Variants in CDC42SE2 observed in about 807,000 individuals in gnomAD.
CDC42SE2 encodes CDC42 small effector 2.
In CDC42SE2, 3 loss-of-function variants were observed where a neutral mutation model predicts 11.5. The ratio of observed to expected loss-of-function variants is 0.26; its 90% CI spans 0.12 to 0.67. The LOEUF (loss-of-function observed/expected upper bound fraction) is 0.67, where lower values mean the gene tolerates loss of function less well. Among genes scored for constraint, CDC42SE2 ranks in the 30% least tolerant of loss-of-function variants. The pLI is 0.80. For missense variants in CDC42SE2, 82 were observed against 106.8 expected, an observed-to-expected ratio of 0.77 and a Z score of 1.02; for synonymous variants, 33 against 34.8, an observed-to-expected ratio of 0.95 and a Z score of 0.18.
chr5:131,257,121 G>A (rs558704682), intron 2 of CDC42SE2, among the ~76,000 whole-genome samples: 12 of 152,246 alleles, frequency 7.9e-5, no homozygotes, highest in African/African-American at 2.6e-4. Flanking sequence ...GCTAGTGGTG[G>A]GGTCAAAAGC....
intron 1 of CDC42SE2, among the ~76,000 whole-genome samples, chr5:131,305,908 A>T (rs960956245): frequency 2.6e-5 from 4 of 152,224 alleles, no homozygotes; most frequent in African/African-American, 9.7e-5. Context: ...TAAGTTTTTA[A>T]TCCATTCTGA....
At chr5:131,387,891 T>C (rs1393013452) in intron 4 of CDC42SE2, among the ~76,000 whole-genome samples, 1 of 152,222 alleles carries the variant, frequency 6.6e-6, no homozygotes, top group Non-Finnish European at 1.5e-5. Flanking sequence ...CCAAATGTGT[T>C]CTATAGTTAT....
At chr5:131,226,408 A>C in the CDC42SE2 span, among the ~76,000 whole-genome samples, 1 of 152,232 alleles carries the variant, frequency 6.6e-6, no homozygotes, top group African/African-American at 2.4e-5. Context: ...ACAAATTTAG[A>C]GACCCTTGAA....
intron 2 of CDC42SE2, among the ~76,000 whole-genome samples, chr5:131,334,625 T>C (rs1206453591): frequency 6.6e-6 from 1 of 152,262 alleles, no homozygotes; most frequent in Non-Finnish European, 1.5e-5. Context: ...GGCTATTAAT[T>C]GTTGCCTCAA....
chr5:131,349,197 A>G (rs959155816), intron 2 of CDC42SE2, among the ~76,000 whole-genome samples: 1 of 152,112 alleles, frequency 6.6e-6, no homozygotes, highest in African/African-American at 2.4e-5. Context: ...CTTTGTAGCG[A>G]CATGGATGAA....
intron 3 of CDC42SE2, among the ~76,000 whole-genome samples, chr5:131,361,734 G>A (rs183951378): frequency 6.6e-6 from 1 of 152,214 alleles, no homozygotes; most frequent in African/African-American, 2.4e-5. Flanking sequence ...TGTCGATGAG[G>A]GAGCCAGAAT....
upstream of CDC42SE2, among the ~76,000 whole-genome samples, chr5:131,260,411 T>C (rs1231634955): frequency 6.6e-6 from 1 of 152,034 alleles, no homozygotes; most frequent in East Asian, 1.9e-4. Context: ...TCACCTGAGG[T>C]CAGGAGTTCA....
the CDC42SE2 span, among the ~76,000 whole-genome samples, chr5:131,222,880 A>T: frequency 9.2e-5 from 14 of 152,342 alleles, no homozygotes; most frequent in Middle Eastern, 3.4e-3. Context: ...CACTTACTCC[A>T]GCCTTTGCTT....
In CDC42SE2 at chr5:131,292,265, AGAT is replaced by A. The variant is rs1468035679; in HGVS notation, c.-454-23710_-454-23708del. Among the ~76,000 whole-genome samples the A allele has an allele frequency of 1.0e-4, 15 of 144,326 alleles. No individual in the cohort carries two copies. The South Asian group carries it at 2.8e-3, about 27-fold the overall frequency. 94.7% of individuals were successfully genotyped at this position (144,326 alleles called of 152,430 possible). The stretch of plus-strand genomic sequence containing the variant: ...CAAAAAAAAAAAAAAAAAAAAAAAA[AGAT>A]AATAATAATATCTTCCCAGCTGGAC... On this transcript the variant is annotated intron_variant, in intron 1 of 4. Transcript: ENST00000505065.
intron 3 of CDC42SE2, among the ~76,000 whole-genome samples, chr5:131,370,993 G>A (rs1274859757): frequency 6.6e-6 from 1 of 152,182 alleles, no homozygotes. Flanking sequence ...TTTCAAATCA[G>A]TAGTAGGGTG....
chr5:131,248,791 T>C (rs937389653), intron 1 of CDC42SE2, among the ~76,000 whole-genome samples: 2 of 152,120 alleles, frequency 1.3e-5, no homozygotes, highest in African/African-American at 2.4e-5. Flanking sequence ...TATAAAACGT[T>C]GTTAAGAAAC....
At chr5:131,353,283 A>AT (rs34522192) in intron 2 of CDC42SE2, among the ~76,000 whole-genome samples, 238 of 143,222 alleles carry the variant, frequency 1.7e-3, no homozygotes, top group Middle Eastern at 0.011. Context: ...TTTATTAATA[A>AT]TTTTTTTTTT....
At chr5:131,317,362 A>G (rs576175846) in intron 2 of CDC42SE2, among the ~76,000 whole-genome samples, 2 of 152,316 alleles carry the variant, frequency 1.3e-5, no homozygotes, top group East Asian at 3.9e-4. Context: ...AAAACAGAAT[A>G]GTTTGCCTTC....
At chr5:131,330,394 T>C (rs1356198755) in intron 2 of CDC42SE2, among the ~76,000 whole-genome samples, 3 of 152,220 alleles carry the variant, frequency 2.0e-5, no homozygotes, top group Admixed American at 2.0e-4. Context: ...TTTTTTTTTC[T>C]GTTCCTGATT....
intron 2 of CDC42SE2, among the ~76,000 whole-genome samples, chr5:131,332,433 T>C (rs1457823227): frequency 1.3e-5 from 2 of 152,194 alleles, no homozygotes; most frequent in Non-Finnish European, 2.9e-5. Flanking sequence ...AACATACATG[T>C]GCATGTGCCT....
At chr5:131,348,232 A>G (rs1379639018) in intron 2 of CDC42SE2, among the ~76,000 whole-genome samples, 2 of 152,216 alleles carry the variant, frequency 1.3e-5, no homozygotes, top group African/African-American at 2.4e-5. Context: ...ACATGATTGT[A>G]TATCTAGAAA....
At chr5:131,216,504 A>G in the CDC42SE2 span, among the ~76,000 whole-genome samples, 3 of 144,394 alleles carry the variant, frequency 2.1e-5, no homozygotes, top group Non-Finnish European at 4.6e-5. Context: ...CCTGTCTCAA[A>G]AAAAAAAAAA....
At chr5:131,240,064 G>T in the CDC42SE2 span, among the ~76,000 whole-genome samples, 1 of 152,172 alleles carries the variant, frequency 6.6e-6, no homozygotes, top group African/African-American at 2.4e-5. Flanking sequence ...CTTAGTATCA[G>T]TTCATACACT....
chr5:131,295,684 CTT>C (rs1159996671), intron 1 of CDC42SE2, among the ~76,000 whole-genome samples: 19 of 139,622 alleles, frequency 1.4e-4, no homozygotes, highest in Non-Finnish European at 1.4e-4. Flanking sequence ...GGGTGAAACA[CTT>C]TTTTTTTTTT....
Sources: gnomAD v4.1 joint callset for allele counts (sites outside exome capture counted in the v4.1 genomes callset) on GRCh38, gnomAD v4.1.1 for gene constraint, MANE v1.5 for transcripts, NCBI Gene and HGNC (gene_info 2026-07-23, HGNC 2026-07-21) for gene names.